Variants in MACROD2 observed in about 807,000 individuals in gnomAD.
MACROD2 encodes ADP-ribose glycohydrolase MACROD2.
In MACROD2, 36 loss-of-function variants were observed where a neutral mutation model predicts 70.4. The observed-to-expected ratio is 0.51, with a 90% CI of 0.39 to 0.68. The LOEUF (loss-of-function observed/expected upper bound fraction) is 0.68. MACROD2 is among the 30% of genes least tolerant of loss of function. The pLI is 0.00. For missense variants in MACROD2, 496 were observed against 538.4 expected (o/e 0.92, Z 0.78); for synonymous variants, 172 against 178.8 (o/e 0.96, Z 0.30).
chr20:15,012,833 T>C (rs1015984331), intron 5 of MACROD2, among the ~76,000 whole-genome samples: 3 of 152,140 alleles, frequency 2.0e-5, no homozygotes, highest in Admixed American at 6.5e-5. Context: ...AGAAGCACAA[T>C]TGCAGTTTGA....
intron 8 of MACROD2, among the ~76,000 whole-genome samples, chr20:15,539,363 C>A (rs183329915): frequency 6.6e-6 from 1 of 152,290 alleles, no homozygotes; most frequent in East Asian, 1.9e-4. Context: ...CACAAATGAA[C>A]GCAGAATTAT....
intron 5 of MACROD2, among the ~76,000 whole-genome samples, chr20:15,118,648 A>G (rs1194696796): frequency 6.6e-6 from 1 of 152,162 alleles, no homozygotes; most frequent in African/African-American, 2.4e-5. Context: ...TTTTTCTCTT[A>G]TAGGATACTA....
intron 5 of MACROD2, among the ~76,000 whole-genome samples, chr20:15,143,354 G>C (rs1485787454): frequency 6.6e-6 from 1 of 152,030 alleles, no homozygotes; most frequent in African/African-American, 2.4e-5. Context: ...GTTTTGATGG[G>C]GTTGTTTGAT....
At chr20:14,458,808 GA>G (rs2084333864) in intron 3 of MACROD2, among the ~76,000 whole-genome samples, 1 of 152,046 alleles carries the variant, frequency 6.6e-6, no homozygotes, top group Non-Finnish European at 1.5e-5. Context: ...TTTTAGTAAT[GA>G]GTGAAAAATT....
chr20:15,081,162 A>G (rs2123134214), intron 5 of MACROD2, among the ~76,000 whole-genome samples: 1 of 152,242 alleles, frequency 6.6e-6, no homozygotes, highest in South Asian at 2.1e-4. Context: ...TGGTTAAAAC[A>G]TTAAAAAATA....
At chr20:14,750,786 TAATC>T (rs1457533961) in intron 5 of MACROD2, among the ~76,000 whole-genome samples, 1 of 152,030 alleles carries the variant, frequency 6.6e-6, no homozygotes, top group Non-Finnish European at 1.5e-5. Context: ...TTAATATAAA[TAATC>T]AGAGTATAAC....
chr20:14,933,000 A>C (rs2074309387), intron 5 of MACROD2, among the ~76,000 whole-genome samples: 1 of 152,286 alleles, frequency 6.6e-6, no homozygotes, highest in African/African-American at 2.4e-5. Flanking sequence ...TAGACAAAAT[A>C]TATTGTTGAG....
chr20:14,173,688 A>T (rs188850318), intron 3 of MACROD2, among the ~76,000 whole-genome samples: 1 of 152,102 alleles, frequency 6.6e-6, no homozygotes, highest in African/African-American at 2.4e-5. Flanking sequence ...AGTGTTAAAG[A>T]ACCTTGTTTT....
At chr20:14,007,191 G>A (rs1165180247) in intron 2 of MACROD2, among the ~76,000 whole-genome samples, 2 of 146,158 alleles carry the variant, frequency 1.4e-5, no homozygotes, top group Non-Finnish European at 3.1e-5. Flanking sequence ...CTTCTATAAA[G>A]AGGAACTTTC....
At chr20:15,608,157 T>C (rs1225845948) in intron 8 of MACROD2, among the ~76,000 whole-genome samples, 1 of 152,018 alleles carries the variant, frequency 6.6e-6, no homozygotes, top group Non-Finnish European at 1.5e-5. Flanking sequence ...TGTGTCTTGG[T>C]TATATGTTGC....
At chr20:14,168,150 A>G (rs1025053763) in intron 3 of MACROD2, among the ~76,000 whole-genome samples, 3 of 152,230 alleles carry the variant, frequency 2.0e-5, no homozygotes, top group African/African-American at 7.2e-5. Flanking sequence ...ATTTTCAAAA[A>G]GGAGTAAAAT....
intron 3 of MACROD2, among the ~76,000 whole-genome samples, chr20:14,227,649 C>T (rs907633932): frequency 4.6e-5 from 7 of 152,350 alleles, no homozygotes; most frequent in African/African-American, 1.4e-4. Flanking sequence ...CGAGGGTCCG[C>T]GGCTTCATTC....
intron 10 of MACROD2, among the ~76,000 whole-genome samples, chr20:15,901,587 C>A (rs1043655692): frequency 9.9e-5 from 15 of 152,266 alleles, no homozygotes; most frequent in African/African-American, 3.6e-4. Flanking sequence ...CCCATCTGTG[C>A]AAGTTAGGTG....
chr20:14,756,514 T>C (rs1309928134), intron 5 of MACROD2, among the ~76,000 whole-genome samples: 1 of 152,118 alleles, frequency 6.6e-6, no homozygotes, highest in Non-Finnish European at 1.5e-5. Flanking sequence ...TAATAGTTAG[T>C]TTGACATATG....
intron 6 of MACROD2, among the ~76,000 whole-genome samples, chr20:15,263,328 T>C (rs1051487223): frequency 6.6e-6 from 1 of 152,012 alleles, no homozygotes; most frequent in Non-Finnish European, 1.5e-5. Flanking sequence ...TTTGTAAAAA[T>C]TGAGTTCACT....
At chr20:14,755,994 T>C (rs753688798) in intron 5 of MACROD2, among the ~76,000 whole-genome samples, 16 of 152,132 alleles carry the variant, frequency 1.1e-4, no homozygotes, top group Non-Finnish European at 1.5e-4. Flanking sequence ...ATTTCATTAA[T>C]TCATTCTGTT....
chr20:15,515,419 C>T (rs1456003022), intron 8 of MACROD2, among the ~76,000 whole-genome samples: 1 of 152,192 alleles, frequency 6.6e-6, no homozygotes, highest in East Asian at 1.9e-4. Flanking sequence ...AGAGTAAAAT[C>T]TGTACTTACT....
intron 2 of MACROD2, among the ~76,000 whole-genome samples, chr20:14,041,762 C>A (rs1199505958): frequency 6.6e-6 from 1 of 152,106 alleles, no homozygotes; most frequent in Non-Finnish European, 1.5e-5. Context: ...GCTCTGTGAG[C>A]AGTATCAAGG....
intron 3 of MACROD2, among the ~76,000 whole-genome samples, chr20:14,260,130 C>T (rs537431795): frequency 6.6e-6 from 1 of 152,144 alleles, no homozygotes; most frequent in Non-Finnish European, 1.5e-5. Context: ...AGAAATGCCA[C>T]AAAATACAAT....
Sources: allele counts gnomAD v4.1 joint callset (sites outside exome capture counted in the v4.1 genomes callset), GRCh38; gene constraint gnomAD v4.1.1; transcripts MANE v1.5; gene names NCBI Gene and HGNC (gene_info 2026-07-23, HGNC 2026-07-21).